TSNAX: variants seen among roughly 807,000 people sequenced by gnomAD.
TSNAX encodes the protein translin-associated protein X.
A neutral mutation model predicts 33.0 loss-of-function variants in TSNAX; 12 were observed. The ratio of observed to expected loss-of-function variants is 0.36; its 90% confidence interval spans 0.23 to 0.59. The LOEUF is 0.59. Ranked by LOEUF, TSNAX falls within the 20% of genes least tolerant of loss-of-function variation. The pLI is 0.74. For synonymous variants in TSNAX, 110 were observed against 117.2 expected, an observed-to-expected ratio of 0.94 and a Z score of 0.40; for missense variants, 267 against 341.3, an observed-to-expected ratio of 0.78 and a Z score of 1.72.
At position 231,542,390 on chromosome 1, in the gene TSNAX, A is replaced by G. The variant is rs758717250; in HGVS notation, c.237-91A>G. On this transcript the variant is annotated intron_variant, in intron 3 of 5. Transcript: ENST00000366639. ...AGTTAGAAGTATATGAATGCATACA[A>G]TATTTAGCCCTATGTTGATAATTAG... 3.9e-5 allele frequency: 54 copies of G among 1,373,256 alleles called. 1 individual carries two copies. In the African/African-American group the frequency reaches 4.2e-4, roughly 11 times the overall value. 85.1% of individuals were successfully genotyped at this position (1,373,256 alleles called of 1,614,324 possible).
In TSNAX at chr1:231,565,515, A is replaced by T. The variant is rs555248830; in HGVS notation, c.*610A>T. 5.9e-5 allele frequency: 9 copies of T among 152,462 alleles called. No homozygotes were observed. The highest frequency in any genetic ancestry group is 2.2e-4 in the African/African-American group (9 of 41,448). 9.4% of individuals were successfully genotyped at this position (152,462 alleles called of 1,614,324 possible). ...CCGAGGTAGGCAGATCACGAGGTCA[A>T]GAGATCAAGACCAGCCTGACCAACG... On this transcript the variant is annotated 3_prime_UTR_variant, in exon 6 of 6. Transcript: ENST00000366639.
At chr1:231,540,276 A>ATTAT (rs1659490206) in intron 3 of TSNAX, among the ~76,000 whole-genome samples, 1 of 152,116 alleles carries the variant, frequency 6.6e-6, no homozygotes. Flanking sequence ...TAACTACAAA[A>ATTAT]TTATTTTAAT....
At chr1:231,533,438 A>G (rs2124880250) in intron 2 of TSNAX, among the ~76,000 whole-genome samples, 1 of 152,324 alleles carries the variant, frequency 6.6e-6, no homozygotes, top group East Asian at 1.9e-4. Flanking sequence ...CTTCCAGACA[A>G]AATTTCATGA....
rs146532213 is a variant in TSNAX, at chr1:231,556,779, A to G, written c.368-4349A>G. Among the ~76,000 whole-genome samples the G allele has an allele frequency of 9.3e-3, 1,420 of 152,336 alleles. 28 individuals are homozygous for G. The highest frequency in any genetic ancestry group is 0.032 in the African/African-American group (1,320 of 41,578). ...TTAAAGCAGTGCTATTTTTTGCTCA[A>G]CATGCATACAGATATATGTTTATGT... is the stretch of plus-strand genomic sequence containing the variant. On this transcript the variant is annotated intron_variant, in intron 4 of 5. Transcript: ENST00000366639.
In TSNAX at chr1:231,528,714, C is replaced by A. The variant is rs1479382340; in HGVS notation, c.-97C>A. 3 of 1,460,612 alleles carry A rather than the reference C, an allele frequency of 2.1e-6. No homozygotes were observed. The highest frequency in any genetic ancestry group is 2.9e-6 in the Non-Finnish European group (3 of 1,047,038). The allele number at this position is 1,460,612 out of a possible 1,614,324, so 90.5% of individuals were successfully genotyped here. A position where few individuals can be genotyped will look rare whatever the true frequency, so the allele number is the denominator to read the frequency against. ...GGCCCGGCTGCAAAGCGTTTTTCTG[C>A]AGGCTGTTTTCCCAGGTTCCCTCGG... On this transcript the variant is annotated 5_prime_UTR_variant, in exon 1 of 6. Transcript: ENST00000366639.
intron 4 of TSNAX, among the ~76,000 whole-genome samples, chr1:231,544,139 G>T (rs1160540440): frequency 2.0e-5 from 3 of 152,194 alleles, no homozygotes; most frequent in Non-Finnish European, 4.4e-5. Context: ...GAGGGCTACT[G>T]GGTGGTAGTG....
At chr1:231,543,333 G>A (rs970832176) in intron 4 of TSNAX, among the ~76,000 whole-genome samples, 1 of 151,158 alleles carries the variant, frequency 6.6e-6, no homozygotes, top group African/African-American at 2.4e-5. Context: ...TCAGATACAG[G>A]TTCAGTATCC....
At chr1:231,546,217 C>T (rs900840634) in intron 4 of TSNAX, among the ~76,000 whole-genome samples, 5 of 152,102 alleles carry the variant, frequency 3.3e-5, no homozygotes, top group Admixed American at 1.3e-4. Context: ...ATAAGTCTCC[C>T]GAAATACAAA....
chr1:231,531,063 A>G (rs1658672679), intron 2 of TSNAX, among the ~76,000 whole-genome samples: 1 of 150,538 alleles, frequency 6.6e-6, no homozygotes, highest in Non-Finnish European at 1.5e-5. Flanking sequence ...GGCTCAAGCC[A>G]TTTTCCTACC....
In TSNAX at chr1:231,555,325, G is replaced by A. The variant is rs573692393; in HGVS notation, c.368-5803G>A. Among the ~76,000 whole-genome samples, 60 of 152,232 alleles carry A rather than the reference G, an allele frequency of 3.9e-4. No homozygotes were observed. The South Asian group carries it at 0.011, about 29-fold the overall frequency. ...TCACAAAAGGGCAAATACTGTATTT[G>A]TTACTTACATGAGGTACCCAGAGTA... is the stretch of plus-strand genomic sequence containing the variant. On this transcript the variant is annotated intron_variant, in intron 4 of 5. Coordinates refer to ENST00000366639, the MANE Select transcript of TSNAX (RefSeq NM_005999.3).
intron 2 of TSNAX, among the ~76,000 whole-genome samples, chr1:231,529,826 C>T (rs201712333): frequency 3.3e-5 from 5 of 152,206 alleles, no homozygotes; most frequent in Non-Finnish European, 5.9e-5. Context: ...CCCCTTTTCT[C>T]AGCATATTAA....
intron 5 of TSNAX, 98 bp from the exon 6 acceptor site, chr1:231,564,430 T>C (rs1461444857): frequency 6.7e-7 from 1 of 1,493,612 alleles, no homozygotes; most frequent in Non-Finnish European, 8.9e-7. Context: ...TTTGTACTTC[T>C]ATAATAAATG....
intron 2 of TSNAX, chr1:231,535,167 A>G (rs1558120503): frequency 6.6e-6 from 1 of 152,186 alleles, no homozygotes; most frequent in African/African-American, 2.4e-5. Context: ...CTATGAAAAG[A>G]TTCTAGATTC....
chr1:231,560,859 T>A (rs573969169), intron 4 of TSNAX, among the ~76,000 whole-genome samples: 1 of 151,670 alleles, frequency 6.6e-6, no homozygotes, highest in Admixed American at 6.6e-5. Flanking sequence ...GGGGTTTTAC[T>A]GTGTTGGCCA....
chr1:231,556,312 G>A, intron 4 of TSNAX, among the ~76,000 whole-genome samples: 1 of 152,066 alleles, frequency 6.6e-6, no homozygotes, highest in East Asian at 1.9e-4. Flanking sequence ...TGATCTTGAT[G>A]GTACTTTTAA....
chr1:231,545,319 T>G (rs1659832430), intron 4 of TSNAX, among the ~76,000 whole-genome samples: 1 of 152,214 alleles, frequency 6.6e-6, no homozygotes, highest in Non-Finnish European at 1.5e-5. Flanking sequence ...AGTTCTGTGC[T>G]TTTCCTCATT....
chr1:231,532,560 A>T (rs1658836258), intron 2 of TSNAX, among the ~76,000 whole-genome samples: 1 of 152,220 alleles, frequency 6.6e-6, no homozygotes, highest in South Asian at 2.1e-4. Flanking sequence ...AGGGAAAAAA[A>T]TTTTAATAAA....
intron 4 of TSNAX, among the ~76,000 whole-genome samples, chr1:231,554,265 C>A (rs1660543910): frequency 6.6e-6 from 1 of 152,088 alleles, no homozygotes; most frequent in Non-Finnish European, 1.5e-5. Context: ...AACTTAAGTA[C>A]AACTAGATAG....
At chr1:231,560,950 G>T (rs1021840818) in intron 4 of TSNAX, among the ~76,000 whole-genome samples, 178 bp from the exon 5 acceptor site, 2 of 152,112 alleles carry the variant, frequency 1.3e-5, no homozygotes, top group African/African-American at 2.4e-5. Flanking sequence ...GTGAGCCACC[G>T]CGCCTGGTCC....
Sources: gnomAD v4.1 joint callset for allele counts (sites outside exome capture counted in the v4.1 genomes callset) on GRCh38, gnomAD v4.1.1 for gene constraint, MANE v1.5 for transcripts, NCBI Gene and HGNC (gene_info 2026-07-23, HGNC 2026-07-21) for gene names.